The following MFGE8 variants were observed in gnomAD, a reference collection of about 807,000 sequenced individuals.
MFGE8 encodes lactadherin.
In MFGE8, 34 loss-of-function variants were observed where a neutral mutation model predicts 42.6. The ratio of observed to expected loss-of-function variants is 0.80; its 90% CI spans 0.61 to 1.06. The LOEUF (loss-of-function observed/expected upper bound fraction) is 1.06. Ranked by LOEUF, MFGE8 falls within the 50% of genes least tolerant of loss-of-function variation. MFGE8 has a pLI of 0.00. For missense variants in MFGE8, 510 were observed against 516.9 expected, an observed-to-expected ratio of 0.99 and a Z score of 0.13; for synonymous variants, 230 against 214.8, an observed-to-expected ratio of 1.07 and a Z score of -0.62.
At chr15:88,908,916 G>A (rs1281399131) in intron 2 of MFGE8, among the ~76,000 whole-genome samples, 1 of 152,164 alleles carries the variant, frequency 6.6e-6, no homozygotes, top group East Asian at 1.9e-4. Flanking sequence ...CCTTCTGGAG[G>A]CCAGCAAACC....
chr15:88,899,532 T>A lies in MFGE8; in HGVS notation c.1027A>T (p.Ile343Phe), dbSNP rs758201382. Residue 343 changes from isoleucine to phenylalanine, a missense_variant and splice_region_variant, in exon 8 of 8, where the codon ATC becomes TTC. Transcript: ENST00000268150. The surrounding 1 kb of genome is among the most constrained non-coding windows in gnomAD (Gnocchi z 6.8). The part of the protein sequence containing the change: ...YQDPRTGSSK[I>F]FPGNWDNHSH... The stretch of plus-strand genomic sequence containing the variant: ...TGGTTGTCCCAGTTGCCAGGGAAGA[T>A]CTAGAGGCAGAGCGGGTGTCAGGAG... 39 of 1,614,006 alleles carry A rather than the reference T, an allele frequency of 2.4e-5. 1 individual carries two copies. The South Asian group carries it at 3.5e-4, about 15-fold the overall frequency.
In MFGE8 at chr15:88,903,599, T is replaced by G. The variant is rs1898531047; in HGVS notation, c.686-1864A>C. The G allele has an allele frequency of 6.6e-6, 1 of 152,212 alleles. No individual in the cohort carries two copies. Among genetic ancestry groups the G allele is most frequent in the African/African-American group, 2.4e-5 (1 of 41,432 alleles). 9.4% of individuals were successfully genotyped at this position (152,212 alleles called of 1,614,324 possible). ...TCTGACCGGGTTCAGGCAATTATCC[T>G]GCCTCAGCCTCCCTAGTAGCTGGGA... is the stretch of plus-strand genomic sequence containing the variant. On this transcript the variant is annotated intron_variant, in intron 5 of 7. Coordinates refer to ENST00000268150, the MANE Select transcript of MFGE8 (RefSeq NM_005928.4). The surrounding 1 kb of genome is among the most constrained non-coding windows in gnomAD (Gnocchi z 4.9).
chr15:88,900,688 A>G (rs1898319399), intron 6 of MFGE8: 10 of 984,532 alleles, frequency 1.0e-5, no homozygotes, highest in Admixed American at 6.2e-5. Flanking sequence ...TAGGCAGATC[A>G]TCGTCCTGCC....
chr15:88,907,115 C>T (rs1898719087), intron 3 of MFGE8, 80 bp downstream of exon 3: 2 of 1,501,252 alleles, frequency 1.3e-6, no homozygotes, highest in Admixed American at 2.0e-5. Flanking sequence ...GATGAACCCT[C>T]CTGGGGTAAC....
chr15:88,905,644 G>T lies in MFGE8; in HGVS notation c.685+113C>A, dbSNP rs183387417. The T allele has an allele frequency of 5.5e-6, 8 of 1,442,026 alleles. No individual in the cohort carries two copies. The South Asian group carries it at 5.8e-5, about 10-fold the overall frequency. The allele number at this position is 1,442,026 out of a possible 1,614,324, so 89.3% of individuals were successfully genotyped here. A position where few individuals can be genotyped will look rare whatever the true frequency, so the allele number is the denominator to read the frequency against. On this transcript the variant is annotated intron_variant, in intron 5 of 7. Coordinates refer to ENST00000268150, the MANE Select transcript of MFGE8 (RefSeq NM_005928.4). This position sits in a 1 kb window ranked among gnomAD's most constrained non-coding sequence, Gnocchi z 6.6. ...GTTGCCCGAGTGAAGCCTGGTCCCC[G>T]TGCCTTGTTGCTGCCCTACCTAGCT...
chr15:88,907,598 GA>G (rs1241061264), intron 2 of MFGE8, among the ~76,000 whole-genome samples: 1 of 152,128 alleles, frequency 6.6e-6, no homozygotes, highest in African/African-American at 2.4e-5. Context: ...TGGTGAGGAT[GA>G]GGGGGGTGGG....
Position 88,899,244 on chromosome 15 carries a change from A to G in MFGE8, c.*151T>C, listed in dbSNP as rs1040728223. 2.6e-5 allele frequency: 27 copies of G among 1,049,052 alleles called. No individual in the cohort carries two copies. The African/African-American group carries it at 2.7e-4, about 10-fold the overall frequency. The allele number at this position is 1,049,052 out of a possible 1,614,324, so 65.0% of individuals were successfully genotyped here. A position where few individuals can be genotyped will look rare whatever the true frequency, so the allele number is the denominator to read the frequency against. On this transcript the variant is annotated 3_prime_UTR_variant, in exon 8 of 8. Coordinates refer to ENST00000268150, the MANE Select transcript of MFGE8 (RefSeq NM_005928.4). The surrounding 1 kb of genome is among the most constrained non-coding windows in gnomAD (Gnocchi z 6.8). Reference sequence around the variant, plus strand: ...GCCCGTGAGAGGTGGAGGGTGGGAAAGAGGGAGGGAGGGGTGACTGTGTGG... The same window carrying G: ...GCCCGTGAGAGGTGGAGGGTGGGAAGGAGGGAGGGAGGGGTGACTGTGTGG...
intron 2 of MFGE8, 41 bp from the exon 3 acceptor site, chr15:88,907,417 G>T: frequency 6.3e-7 from 1 of 1,595,988 alleles, no homozygotes; most frequent in East Asian, 2.2e-5. Context: ...TACCCCAGCA[G>T]GTTCCCGGGC....
Position 88,899,743 on chromosome 15 carries a change from G to T in MFGE8, c.939C>A (p.Val313=). Residue 313 remains valine (V), a synonymous_variant, in exon 7 of 8, where the codon GTC becomes GTA. Transcript: ENST00000268150. This position sits in a 1 kb window ranked among gnomAD's most constrained non-coding sequence, Gnocchi z 6.8. ...ITQGARNFGS[V]QFVASYKVAY... ...CAACCTTGTAGGATGCCACAAACTGGACAGAGCCAAAGTTACGGGCCCCCT... is the reference window on the plus strand; with the variant it reads ...CAACCTTGTAGGATGCCACAAACTGTACAGAGCCAAAGTTACGGGCCCCCT... 6.2e-7 allele frequency: 1 copy of T among 1,614,130 alleles called. No individual in the cohort carries two copies. Among genetic ancestry groups the T allele is most frequent in the South Asian group, 1.1e-5 (1 of 91,080 alleles).
chr15:88,905,619 G>C lies in MFGE8; in HGVS notation c.685+138C>G, dbSNP rs748253325. On this transcript the variant is annotated intron_variant, in intron 5 of 7. Coordinates refer to ENST00000268150, the MANE Select transcript of MFGE8 (RefSeq NM_005928.4). The surrounding 1 kb of genome is among the most constrained non-coding windows in gnomAD (Gnocchi z 6.6). ...ATGGCCAGGTGACCCCCTAGAGTGC[G>C]TTGCCCGAGTGAAGCCTGGTCCCCG... 1.7e-6 allele frequency: 2 copies of C among 1,199,712 alleles called. No individual in the cohort carries two copies. Among genetic ancestry groups the C allele is most frequent in the African/African-American group, 3.0e-5 (2 of 66,850 alleles). The allele number at this position is 1,199,712 out of a possible 1,614,324, so 74.3% of individuals were successfully genotyped here. A position where few individuals can be genotyped will look rare whatever the true frequency, so the allele number is the denominator to read the frequency against.
chr15:88,907,318 G>T lies in MFGE8; in HGVS notation c.264C>A (p.Ala88=). 6.2e-7 allele frequency: 1 copy of T among 1,614,218 alleles called. No homozygotes were observed. The highest frequency in any genetic ancestry group is 8.5e-7 in the Non-Finnish European group (1 of 1,180,028). The stretch of plus-strand genomic sequence containing the variant: ...CCAAGAAGGTCACACGCACAGACGA[G>T]GCGGCGATCTGTGAGTTGGCAATGT... The part of the protein sequence containing the change: ...NGNIANSQIA[A]SSVRVTFLGL... The change falls in exon 3 of 8, where the codon GCC becomes GCA. Residue 88 remains alanine (A), a synonymous_variant. Transcript: ENST00000268150.
Position 88,899,662 on chromosome 15 carries a change from G to T in MFGE8, c.1020C>A (p.Ser340Arg). Residue 340 changes from serine (S) to arginine (R), a missense_variant, in exon 7 of 8, where the codon AGC becomes AGA. Physicochemically the swap from Ser to Arg is moderately radical, Grantham distance 110. Transcript: ENST00000268150. The surrounding 1 kb of genome is among the most constrained non-coding windows in gnomAD (Gnocchi z 6.8). The part of the protein sequence containing the change: ...WTEYQDPRTG[S>R]SKIFPGNWDN... ...CAGCTGGACAGACACCCACCTTACT[G>T]CTGCCAGTCCTGGGGTCCTGGTACT... 1 of 1,614,148 alleles carries T rather than the reference G, an allele frequency of 6.2e-7. No homozygotes were observed. Among genetic ancestry groups the T allele is most frequent in the African/African-American group, 1.3e-5 (1 of 75,040 alleles).
chr15:88,901,031 A>G (rs934801573), intron 6 of MFGE8, among the ~76,000 whole-genome samples: 1 of 151,456 alleles, frequency 6.6e-6, no homozygotes, highest in African/African-American at 2.4e-5. Flanking sequence ...TCTCACACAC[A>G]CATATTCACA....
chr15:88,907,292 C>T lies in MFGE8; in HGVS notation c.290G>A (p.Gly97Asp), dbSNP rs541848156. 1.9e-6 allele frequency: 3 copies of T among 1,614,220 alleles called. No individual in the cohort carries two copies. The African/African-American group carries it at 4.0e-5, about 22-fold the overall frequency. Residue 97 changes from glycine to aspartate, a missense_variant, in exon 3 of 8, where the codon GGT becomes GAT. Gly to Asp is a moderately conservative substitution (Grantham distance 94). Transcript: ENST00000268150. Reference sequence around the variant, plus strand: ...CAGCTCCGGGACCCAATGCTGCAAACCCAAGAAGGTCACACGCACAGACGA... The same window carrying T: ...CAGCTCCGGGACCCAATGCTGCAAATCCAAGAAGGTCACACGCACAGACGA... ...AASSVRVTFL[G>D]LQHWVPELAR...
chr15:88,909,827 C>A lies in MFGE8; in HGVS notation c.170G>T (p.Cys57Phe), dbSNP rs1348917014. 1 of 1,614,116 alleles carries A rather than the reference C, an allele frequency of 6.2e-7. No individual in the cohort carries two copies. The highest frequency in any genetic ancestry group is 1.3e-5 in the African/African-American group (1 of 74,936). Residue 57 changes from cysteine (C) to phenylalanine (F), a missense_variant, in exon 2 of 8, where the codon TGC becomes TTC. By Grantham distance (205) the Cys-to-Phe change is radical. Transcript: ENST00000268150. ...GTGGTTGCCCGCGTAGCCCTTAAGGCACGTGCAGGTGTACGAGGGGAAGAC... is the reference window on the plus strand; with the variant it reads ...GTGGTTGCCCGCGTAGCCCTTAAGGAACGTGCAGGTGTACGAGGGGAAGAC... Reference protein sequence around the residue: ...GDVFPSYTCTCLKGYAGNHCE... With the variant: ...GDVFPSYTCTFLKGYAGNHCE...
At position 88,905,800 on chromosome 15, in the gene MFGE8, C is replaced by A. The variant is rs368834014; in HGVS notation, c.642G>T (p.Thr214=). The change falls in exon 5 of 8, where the codon ACG becomes ACT. Residue 214 remains threonine, a synonymous_variant. Transcript: ENST00000268150. This position sits in a 1 kb window ranked among gnomAD's most constrained non-coding sequence, Gnocchi z 6.6. ...YVRLYPTSCH[T]ACTLRFELLG... is the part of the protein sequence containing the mutation. ...GTAGCTCAAAGCGCAGAGTGCAGGC[C>A]GTGTGGCAGCTCGTGGGGTACAATC... 2 of 1,614,186 alleles carry A rather than the reference C, an allele frequency of 1.2e-6. No individual in the cohort carries two copies. Among genetic ancestry groups the A allele is most frequent in the Non-Finnish European group, 8.5e-7 (1 of 1,180,036 alleles).
chr15:88,904,305 C>T (rs1019593549), intron 5 of MFGE8: 1 of 152,284 alleles, frequency 6.6e-6, no homozygotes, highest in African/African-American at 2.4e-5. Context: ...AGAGGAATCC[C>T]TTGTGGAATC....
In MFGE8 at chr15:88,899,919, G is replaced by T; in HGVS notation, c.871-108C>A. 7.7e-7 allele frequency: 1 copy of T among 1,301,606 alleles called. No individual in the cohort carries two copies. Among genetic ancestry groups the T allele is most frequent in the Non-Finnish European group, 1.1e-6 (1 of 916,938 alleles). The allele number at this position is 1,301,606 out of a possible 1,614,324, so 80.6% of individuals were successfully genotyped here. A position where few individuals can be genotyped will look rare whatever the true frequency, so the allele number is the denominator to read the frequency against. ...TCTAGTTTTGAAAAAAACTACTTGG[G>T]TGAGCCTCAGTTTCTTTGGCTATAA... On this transcript the variant is annotated intron_variant, in intron 6 of 7. Transcript: ENST00000268150. The surrounding 1 kb of genome is among the most constrained non-coding windows in gnomAD (Gnocchi z 6.8).
Position 88,899,415 on chromosome 15 carries a change from G to A in MFGE8, c.1144C>T (p.Leu382=). ...VAWHNRIALR[L]ELLGC Reference sequence around the variant, plus strand: ...GGCCACTAACAGCCCAGCAGCTCCAGGCGCAGGGCGATGCGGTTGTGCCAG... The same window carrying A: ...GGCCACTAACAGCCCAGCAGCTCCAAGCGCAGGGCGATGCGGTTGTGCCAG... Residue 382 remains leucine, a synonymous_variant, in exon 8 of 8, where the codon CTG becomes TTG. Coordinates refer to ENST00000268150, the MANE Select transcript of MFGE8 (RefSeq NM_005928.4). This position sits in a 1 kb window ranked among gnomAD's most constrained non-coding sequence, Gnocchi z 6.8. 6.2e-7 allele frequency: 1 copy of A among 1,614,190 alleles called. No homozygotes were observed. Among genetic ancestry groups the A allele is most frequent in the Non-Finnish European group, 8.5e-7 (1 of 1,180,010 alleles).
Sources: gnomAD v4.1 joint callset for allele counts (sites outside exome capture counted in the v4.1 genomes callset) on GRCh38, gnomAD v4.1.1 for gene constraint, Gnocchi (gnomAD v3.1) non-coding constraint, MANE v1.5 for transcripts, NCBI Gene and HGNC (gene_info 2026-07-23, HGNC 2026-07-21) for gene names.